Variants in DCC observed in about 807,000 individuals in gnomAD.
The protein encoded by DCC is netrin receptor DCC.
A neutral mutation model predicts 172.5 loss-of-function variants in DCC; 58 were observed. That is an observed-to-expected ratio of 0.34 (90% CI 0.27 to 0.42). The LOEUF is 0.42. Ranked by LOEUF, DCC falls within the 10% of genes least tolerant of loss-of-function variation. DCC has a pLI of 1.00. For synonymous variants in DCC, 709 were observed against 644.5 expected (o/e 1.10, Z -1.52); for missense variants, 1,740 against 1,791.0 (o/e 0.97, Z 0.51).
At chr18:52,569,840 A>G (rs1318321766) in intron 1 of DCC, among the ~76,000 whole-genome samples, 2 of 152,350 alleles carry the variant, frequency 1.3e-5, no homozygotes, top group East Asian at 1.9e-4. Flanking sequence ...TGTGTATTAC[A>G]TATCACTGCT....
intron 27 of DCC, among the ~76,000 whole-genome samples, chr18:53,524,322 A>T (rs143919650): frequency 2.0e-4 from 31 of 152,012 alleles, no homozygotes; most frequent in African/African-American, 7.5e-4. Flanking sequence ...GAAAATGTTC[A>T]TAATGAAAAC....
intron 7 of DCC, among the ~76,000 whole-genome samples, 187 bp downstream of exon 7, chr18:53,066,353 GTA>G (rs10526030): frequency 0.073 from 6,787 of 92,700 alleles, 292 homozygotes; most frequent in Admixed American, 0.091. Flanking sequence ...GTACATGTGT[GTA>G]TATATATATA....
At chr18:52,761,575 A>G (rs2037160334) in intron 2 of DCC, among the ~76,000 whole-genome samples, 1 of 152,182 alleles carries the variant, frequency 6.6e-6, no homozygotes, top group African/African-American at 2.4e-5. Flanking sequence ...TAGAAATTCA[A>G]TAATCAGAGT....
chr18:53,186,679 G>T (rs1357411043), intron 9 of DCC, among the ~76,000 whole-genome samples: 1 of 152,202 alleles, frequency 6.6e-6, no homozygotes, highest in Non-Finnish European at 1.5e-5. Context: ...ACATGCTTGG[G>T]ATAGAAAATA....
intron 1 of DCC, among the ~76,000 whole-genome samples, chr18:52,475,863 A>T (rs754413911): frequency 1.3e-5 from 2 of 152,202 alleles, no homozygotes; most frequent in Non-Finnish European, 2.9e-5. Flanking sequence ...CTTGATTTCA[A>T]TCAGGATTTC....
chr18:52,358,580 C>G (rs17747515), intron 1 of DCC, among the ~76,000 whole-genome samples: 3 of 152,096 alleles, frequency 2.0e-5, no homozygotes, highest in Non-Finnish European at 4.4e-5. Flanking sequence ...TAGCACGACT[C>G]TACTGGTGTT....
At chr18:53,497,763 T>G (rs949267423) in intron 26 of DCC, among the ~76,000 whole-genome samples, 1 of 152,222 alleles carries the variant, frequency 6.6e-6, no homozygotes, top group African/African-American at 2.4e-5. Flanking sequence ...GGATTTGCCT[T>G]AATGGTTTAC....
Position 53,339,834 on chromosome 18 carries a change from T to C in DCC, c.2286T>C (p.Tyr762=), listed in dbSNP as rs2144869182. The part of the protein sequence containing the change: ...NIVVRGYIIG[Y]GVGSPYAETV... Reference sequence around the variant, plus strand: ...TGGTGCGAGGTTATATTATCGGTTATGGCGTTGGGAGCCCTTACGCTGAGA... The same window carrying C: ...TGGTGCGAGGTTATATTATCGGTTACGGCGTTGGGAGCCCTTACGCTGAGA... The change falls in exon 15 of 29, where the codon TAT becomes TAC. Residue 762 remains tyrosine, a synonymous_variant. Coordinates refer to ENST00000442544, the MANE Select transcript of DCC (RefSeq NM_005215.4). 1.2e-6 allele frequency: 2 copies of C among 1,613,994 alleles called. No individual in the cohort carries two copies. Among genetic ancestry groups the C allele is most frequent in the Non-Finnish European group, 1.7e-6 (2 of 1,179,960 alleles).
intron 12 of DCC, among the ~76,000 whole-genome samples, chr18:53,268,173 G>A (rs1347130962): frequency 6.6e-6 from 1 of 151,994 alleles, no homozygotes; most frequent in East Asian, 1.9e-4. Context: ...TGTTGTCTCT[G>A]GCTTTCTTTC....
At chr18:52,423,440 G>C (rs533437184) in intron 1 of DCC, among the ~76,000 whole-genome samples, 8 of 151,984 alleles carry the variant, frequency 5.3e-5, no homozygotes, top group African/African-American at 1.9e-4. Context: ...TCCTATCCTC[G>C]GGAGGTGACT....
intron 14 of DCC, among the ~76,000 whole-genome samples, chr18:53,332,562 T>C (rs918909318): frequency 1.3e-5 from 2 of 152,102 alleles, no homozygotes; most frequent in Non-Finnish European, 2.9e-5. Flanking sequence ...GAATAAAACC[T>C]ATATGGTTTG....
chr18:52,899,232 C>T (rs1400199144), intron 2 of DCC, among the ~76,000 whole-genome samples: 1 of 152,020 alleles, frequency 6.6e-6, no homozygotes, highest in Non-Finnish European at 1.5e-5. Context: ...TTACTGCAGC[C>T]TGGAACTCCT....
At chr18:53,307,653 G>A (rs1286419142) in intron 13 of DCC, among the ~76,000 whole-genome samples, 3 of 151,670 alleles carry the variant, frequency 2.0e-5, no homozygotes, top group African/African-American at 4.8e-5. Context: ...GCTAATGATT[G>A]GATGTTCAAT....
chr18:52,748,413 G>A (rs1243757953), intron 1 of DCC, among the ~76,000 whole-genome samples: 1 of 152,212 alleles, frequency 6.6e-6, no homozygotes, highest in Non-Finnish European at 1.5e-5. Context: ...GGAGTCCCAA[G>A]GTCTGCACCT....
At chr18:52,347,352 A>G (rs1983923344) in intron 1 of DCC, among the ~76,000 whole-genome samples, 1 of 152,180 alleles carries the variant, frequency 6.6e-6, no homozygotes, top group Non-Finnish European at 1.5e-5. Flanking sequence ...CTTTAAAAGT[A>G]TGTAGAACAT....
intron 1 of DCC, among the ~76,000 whole-genome samples, chr18:52,689,753 G>A (rs2035901193): frequency 6.6e-6 from 1 of 152,122 alleles, no homozygotes; most frequent in Non-Finnish European, 1.5e-5. Flanking sequence ...TCATGTTGCT[G>A]AAAAGACTCT....
intron 1 of DCC, among the ~76,000 whole-genome samples, chr18:52,575,660 T>A (rs552236379): frequency 2.0e-5 from 3 of 152,216 alleles, no homozygotes; most frequent in Non-Finnish European, 4.4e-5. Context: ...AGGATAGTGA[T>A]AATAATAGTA....
intron 5 of DCC, among the ~76,000 whole-genome samples, chr18:52,932,922 G>T (rs961293587): frequency 3.3e-5 from 5 of 151,968 alleles, no homozygotes; most frequent in Admixed American, 3.3e-4. Context: ...ATGAGGTTCT[G>T]ATTCTGCAAA....
At chr18:52,371,570 T>C (rs573027467) in intron 1 of DCC, among the ~76,000 whole-genome samples, 1 of 152,324 alleles carries the variant, frequency 6.6e-6, no homozygotes, top group African/African-American at 2.4e-5. Flanking sequence ...TTTCACCTTC[T>C]TAAAGGCTTG....
Sources: allele counts gnomAD v4.1 joint callset (sites outside exome capture counted in the v4.1 genomes callset), GRCh38; gene constraint gnomAD v4.1.1; transcripts MANE v1.5; gene names NCBI Gene and HGNC (gene_info 2026-07-23, HGNC 2026-07-21).